Variants in XPO1 observed in about 807,000 individuals in gnomAD.
The protein encoded by XPO1 is exportin 1.
XPO1 carries 5 observed loss-of-function variants against 133.3 expected under a neutral mutation model. That is an observed-to-expected ratio of 0.04 (90% CI 0.02 to 0.08). The LOEUF (loss-of-function observed/expected upper bound fraction) is 0.08. XPO1 is among the 10% of genes least tolerant of loss of function. XPO1 has a pLI of 1.00. For synonymous variants in XPO1, 419 were observed against 408.2 expected (o/e 1.03, Z -0.32); for missense variants, 506 against 1,267.5 (o/e 0.40, Z 9.12).
At position 61,478,749 on chromosome 2, in the gene XPO1, C is replaced by T. The variant is rs1014133900; in HGVS notation, c.*71G>A. 25 of 1,504,604 alleles carry T rather than the reference C, an allele frequency of 1.7e-5. 1 individual carries two copies. The highest frequency in any genetic ancestry group is 3.9e-5 in the South Asian group (3 of 76,222). The allele number at this position is 1,504,604 out of a possible 1,614,324, so 93.2% of individuals were successfully genotyped here. Reference sequence around the variant, plus strand: ...ATTTACAAATTGGCATCATTTTGGTCGACAAATACCCACATGCTGTTTTCC... The same window carrying T: ...ATTTACAAATTGGCATCATTTTGGTTGACAAATACCCACATGCTGTTTTCC... On this transcript the variant is annotated 3_prime_UTR_variant, in exon 25 of 25. Coordinates refer to ENST00000401558, the MANE Select transcript of XPO1 (RefSeq NM_003400.4).
At chr2:61,506,856 T>C (rs142694681) in intron 4 of XPO1, among the ~76,000 whole-genome samples, 24 of 152,102 alleles carry the variant, frequency 1.6e-4, no homozygotes, top group Non-Finnish European at 2.9e-4. Flanking sequence ...TGGGTCTCAG[T>C]TGCAAAACAG....
At position 61,478,087 on chromosome 2, in the gene XPO1, T is replaced by C. The variant is rs888447855; in HGVS notation, c.*733A>G. The C allele has an allele frequency of 3.0e-5, 7 of 231,416 alleles. No homozygotes were observed. The highest frequency in any genetic ancestry group is 1.1e-4 in the Admixed American group (2 of 17,714). The allele number at this position is 231,416 out of a possible 1,614,324, so 14.3% of individuals were successfully genotyped here. ...AAAGATGCAGCCTATTCTAACAGGA[T>C]AAATATTTTTAACCATTTCACTTCG... On this transcript the variant is annotated 3_prime_UTR_variant, in exon 25 of 25. Transcript: ENST00000401558.
At chr2:61,493,075 T>A (rs1420727622) in intron 12 of XPO1, 22 bp from the exon 13 acceptor site, 2 of 1,543,194 alleles carry the variant, frequency 1.3e-6, no homozygotes, top group Admixed American at 2.4e-5. Flanking sequence ...AATATATCAA[T>A]CAAGAAAAAA....
At position 61,493,744 on chromosome 2, in the gene XPO1, C is replaced by T. The variant is rs568451192; in HGVS notation, c.1245+150G>A. 26 of 799,836 alleles carry T rather than the reference C, an allele frequency of 3.3e-5. No individual in the cohort carries two copies. In the African/African-American group the frequency reaches 4.1e-4, roughly 13 times the overall value. 49.5% of individuals were successfully genotyped at this position (799,836 alleles called of 1,614,324 possible). ...GAGAATCAAGGTTCTAGACTCAACT[C>T]CTTTCATGTTCTAGTTTTCCACACT... On this transcript the variant is annotated intron_variant, in intron 12 of 24. Transcript: ENST00000401558.
chr2:61,479,235 C>T (rs935671445), intron 24 of XPO1, among the ~76,000 whole-genome samples: 1 of 151,948 alleles, frequency 6.6e-6, no homozygotes, highest in South Asian at 2.1e-4. Flanking sequence ...GAGGCAGAGA[C>T]GGGAAGAATA....
rs536378592 is a variant in XPO1, at chr2:61,490,501, G to A, written c.2022+141C>T. ...GGCGTGAGCCACCACACCTCGCCCA[G>A]ATAATAAATTATAGAAAGACACACA... On this transcript the variant is annotated intron_variant, in intron 17 of 24. Transcript: ENST00000401558. 8.2e-5 allele frequency: 102 copies of A among 1,243,902 alleles called. No individual in the cohort carries two copies. The African/African-American group carries it at 1.4e-3, about 17-fold the overall frequency. 77.1% of individuals were successfully genotyped at this position (1,243,902 alleles called of 1,614,324 possible).
chr2:61,479,078 A>C, intron 24 of XPO1, 112 bp from the exon 25 acceptor site: 1 of 1,297,208 alleles, frequency 7.7e-7, no homozygotes, highest in Non-Finnish European at 1.1e-6. Flanking sequence ...AATTATCCAT[A>C]AAGTGGCTGG....
intron 16 of XPO1, among the ~76,000 whole-genome samples, chr2:61,491,650 T>G (rs945566271): frequency 6.6e-6 from 1 of 152,264 alleles, no homozygotes; most frequent in Non-Finnish European, 1.5e-5. Context: ...TAAAATCATT[T>G]TGGGAGGCTG....
At chr2:61,515,936 ACCACACACACACAC>A (rs1234965421) in intron 4 of XPO1, among the ~76,000 whole-genome samples, 3 of 98,126 alleles carry the variant, frequency 3.1e-5, no homozygotes, top group South Asian at 6.1e-4. Flanking sequence ...AAAAAAAAAA[ACCACACACACACAC>A]ACACACACAC....
chr2:61,517,179 G>A (rs922104733), intron 4 of XPO1, among the ~76,000 whole-genome samples: 1 of 152,182 alleles, frequency 6.6e-6, no homozygotes, highest in Non-Finnish European at 1.5e-5. Context: ...GGGATTACAG[G>A]TGTAAGCCAC....
chr2:61,516,423 T>G (rs925381150), intron 4 of XPO1, among the ~76,000 whole-genome samples: 1 of 151,198 alleles, frequency 6.6e-6, no homozygotes, highest in African/African-American at 2.4e-5. Context: ...CAAGTGTGGG[T>G]TTTTTTTTGA....
chr2:61,497,399 A>C (rs1697292506), intron 9 of XPO1, among the ~76,000 whole-genome samples: 1 of 151,996 alleles, frequency 6.6e-6, no homozygotes. Context: ...TTTAGTAGAG[A>C]CAGGGTTTTG....
At chr2:61,511,007 T>TACCTAACATGAA (rs1401897975) in intron 4 of XPO1, among the ~76,000 whole-genome samples, 2 of 151,380 alleles carry the variant, frequency 1.3e-5, no homozygotes, top group East Asian at 3.9e-4. Flanking sequence ...GTATCAAGTA[T>TACCTAACATGAA]AGGCCTTTCA....
At chr2:61,493,206 C>T (rs760853303) in intron 12 of XPO1, 153 bp from the exon 13 acceptor site, 50 of 702,968 alleles carry the variant, frequency 7.1e-5, no homozygotes, top group African/African-American at 2.2e-4. Flanking sequence ...TCCGGAGGGC[C>T]GAGGCAAAAA....
chr2:61,521,811 A>G (rs1336589443), intron 4 of XPO1, among the ~76,000 whole-genome samples: 1 of 152,034 alleles, frequency 6.6e-6, no homozygotes, highest in Non-Finnish European at 1.5e-5. Context: ...GCTAGAGTAC[A>G]GTGGCACAAT....
At chr2:61,497,077 T>A in intron 9 of XPO1, 70 bp from the exon 10 acceptor site, 2 of 1,531,870 alleles carry the variant, frequency 1.3e-6, no homozygotes, top group Middle Eastern at 1.7e-4. Context: ...AATTCACAAT[T>A]AAAAGGAAAA....
chr2:61,505,183 C>G (rs1182233744), intron 4 of XPO1, among the ~76,000 whole-genome samples: 1 of 151,552 alleles, frequency 6.6e-6, no homozygotes, highest in African/African-American at 2.4e-5. Context: ...GCTGATTTTT[C>G]CTGGTCTCAT....
chr2:61,492,904 T>G lies in XPO1; in HGVS notation c.1384+11A>C, dbSNP rs746955773. 1 of 1,591,160 alleles carries G rather than the reference T, an allele frequency of 6.3e-7. No homozygotes were observed. Among genetic ancestry groups the G allele is most frequent in the Admixed American group, 1.8e-5 (1 of 55,338 alleles). On this transcript the variant is annotated intron_variant, in intron 13 of 24. Coordinates refer to ENST00000401558, the MANE Select transcript of XPO1 (RefSeq NM_003400.4). This position sits in a 1 kb window ranked among gnomAD's most constrained non-coding sequence, Gnocchi z 5.6. ...TATAAAGGTAAAGATTAACAGTATT[T>G]ATTAACTTACCCAATGTTTCCCTCA...
chr2:61,500,916 T>G (rs531261109), intron 6 of XPO1, among the ~76,000 whole-genome samples: 1 of 152,194 alleles, frequency 6.6e-6, no homozygotes, highest in Non-Finnish European at 1.5e-5. Context: ...TGAAATGTAG[T>G]AGGGTTTGGA....
Sources: allele counts gnomAD v4.1 joint callset (sites outside exome capture counted in the v4.1 genomes callset), GRCh38; gene constraint gnomAD v4.1.1; non-coding constraint Gnocchi (gnomAD v3.1); transcripts MANE v1.5; gene names NCBI Gene and HGNC (gene_info 2026-07-23, HGNC 2026-07-21).